Variants in FNDC3A observed in about 807,000 individuals in gnomAD.
The protein encoded by FNDC3A is fibronectin type-III domain-containing protein 3A.
A neutral mutation model predicts 148.9 loss-of-function variants in FNDC3A; 32 were observed. That is an observed-to-expected ratio of 0.21 (90% CI 0.16 to 0.29). FNDC3A has a LOEUF of 0.29. FNDC3A is among the 10% of genes least tolerant of loss of function. The pLI is 1.00. For synonymous variants in FNDC3A, 472 were observed against 473.6 expected (o/e 1.00, Z 0.04); for missense variants, 1,191 against 1,452.8 (o/e 0.82, Z 2.93).
chr13:49,079,597 A>G (rs956918259), intron 3 of FNDC3A, among the ~76,000 whole-genome samples: 5 of 152,204 alleles, frequency 3.3e-5, no homozygotes, highest in Admixed American at 1.3e-4. Flanking sequence ...CCACAAAGAG[A>G]TTGGAATTGC....
intron 2 of FNDC3A, among the ~76,000 whole-genome samples, chr13:49,022,517 G>A (rs933131515): frequency 6.6e-6 from 1 of 152,066 alleles, no homozygotes; most frequent in Admixed American, 6.6e-5. Context: ...GTAAATATAT[G>A]CATTTAAAAA....
At chr13:49,127,007 C>T (rs1393808427) in intron 4 of FNDC3A, among the ~76,000 whole-genome samples, 1 of 152,130 alleles carries the variant, frequency 6.6e-6, no homozygotes, top group African/African-American at 2.4e-5. Flanking sequence ...ACTCCTAGCC[C>T]CACACTTCCA....
intron 2 of FNDC3A, among the ~76,000 whole-genome samples, chr13:49,030,037 AG>A (rs970732211): frequency 4.6e-5 from 7 of 152,206 alleles, no homozygotes; most frequent in Non-Finnish European, 8.8e-5. Context: ...CAAATGTTTA[AG>A]GGAGAATTAA....
intron 2 of FNDC3A, among the ~76,000 whole-genome samples, chr13:49,043,410 C>G (rs999572275): frequency 1.1e-4 from 16 of 152,176 alleles, no homozygotes; most frequent in African/African-American, 3.9e-4. Flanking sequence ...TTTTGCTCCA[C>G]TTCTTTATGT....
intron 2 of FNDC3A, among the ~76,000 whole-genome samples, chr13:49,010,804 A>G (rs1466013798): frequency 2.0e-5 from 3 of 152,186 alleles, no homozygotes; most frequent in African/African-American, 7.2e-5. Flanking sequence ...ATAATTGCTT[A>G]CTGACTTTTC....
At chr13:49,082,538 G>A (rs2137798460) in intron 3 of FNDC3A, among the ~76,000 whole-genome samples, 1 of 152,136 alleles carries the variant, frequency 6.6e-6, no homozygotes, top group Non-Finnish European at 1.5e-5. Context: ...AAGAGTTTAA[G>A]ATGATATTGA....
intron 4 of FNDC3A, among the ~76,000 whole-genome samples, chr13:49,118,075 C>G (rs564085521): frequency 6.6e-6 from 1 of 152,298 alleles, no homozygotes; most frequent in East Asian, 1.9e-4. Flanking sequence ...AAGATTATCT[C>G]TAGAAAATGT....
rs546894063 is a variant in FNDC3A, at chr13:49,203,573, A to G, written c.3282+289A>G. ...ATGGAGCTTACTTACATTCTGGTGGAAAAGAAGACACTATAAGCAAGTAAA... is the reference window on the plus strand; with the variant it reads ...ATGGAGCTTACTTACATTCTGGTGGGAAAGAAGACACTATAAGCAAGTAAA... On this transcript the variant is annotated intron_variant, in intron 25 of 25. Transcript: ENST00000492622. 9.2e-5 allele frequency among the ~76,000 whole-genome samples: 14 copies of G among 152,342 alleles called. No individual in the cohort carries two copies. The East Asian group carries it at 2.5e-3, about 27-fold the overall frequency.
intron 24 of FNDC3A, among the ~76,000 whole-genome samples, chr13:49,202,657 A>T (rs905537474): frequency 7.2e-5 from 11 of 152,186 alleles, no homozygotes; most frequent in African/African-American, 2.4e-4. Flanking sequence ...AGTTTCACTG[A>T]GTCATTTTTC....
intron 8 of FNDC3A, among the ~76,000 whole-genome samples, chr13:49,147,304 C>A (rs1039335204): frequency 6.6e-6 from 1 of 152,110 alleles, no homozygotes; most frequent in Non-Finnish European, 1.5e-5. Flanking sequence ...TAGTCATCTC[C>A]CATATCCTAC....
intron 3 of FNDC3A, among the ~76,000 whole-genome samples, chr13:49,075,815 A>G (rs12868838): frequency 1.7e-5 from 1 of 59,654 alleles, no homozygotes; most frequent in African/African-American, 6.1e-5. Context: ...CCCCACCCCC[A>G]CCCCCACCCC....
intron 2 of FNDC3A, among the ~76,000 whole-genome samples, chr13:49,072,311 A>C (rs1180038217): frequency 6.6e-6 from 1 of 152,162 alleles, no homozygotes; most frequent in Admixed American, 6.5e-5. Context: ...TCCTTTGATG[A>C]AAATGAATTG....
chr13:49,087,096 A>T (rs1231436305), intron 3 of FNDC3A, among the ~76,000 whole-genome samples: 1 of 152,160 alleles, frequency 6.6e-6, no homozygotes. Flanking sequence ...AGGGAAATTC[A>T]GTTGTCATCA....
At chr13:49,108,539 A>T (rs887304164) in intron 3 of FNDC3A, among the ~76,000 whole-genome samples, 1 of 152,210 alleles carries the variant, frequency 6.6e-6, no homozygotes, top group Non-Finnish European at 1.5e-5. Context: ...TTCTGTAAAA[A>T]GGTTGAGGAT....
At chr13:49,137,895 A>G (rs147790167) in intron 6 of FNDC3A, among the ~76,000 whole-genome samples, 36 of 152,320 alleles carry the variant, frequency 2.4e-4, no homozygotes, top group African/African-American at 7.0e-4. Flanking sequence ...ATAGATATGC[A>G]TGGTAGACCA....
chr13:49,174,370 A>C, intron 11 of FNDC3A, 65 bp from the exon 12 acceptor site: 1 of 1,356,652 alleles, frequency 7.4e-7, no homozygotes, highest in Non-Finnish European at 1.0e-6. Flanking sequence ...TCAAGAAGGA[A>C]TTGATGCGAA....
intron 2 of FNDC3A, among the ~76,000 whole-genome samples, chr13:49,048,301 T>C (rs972428781): frequency 6.7e-6 from 1 of 150,304 alleles, no homozygotes; most frequent in Non-Finnish European, 1.5e-5. Context: ...AATTTTAGGA[T>C]TTTTTTTTAA....
At chr13:49,108,176 G>A (rs901239588) in intron 3 of FNDC3A, among the ~76,000 whole-genome samples, 5 of 152,232 alleles carry the variant, frequency 3.3e-5, no homozygotes, top group Non-Finnish European at 7.4e-5. Context: ...TGAAAGACAC[G>A]AGTTCAAGGA....
At position 49,198,091 on chromosome 13, in the gene FNDC3A, T is replaced by C; in HGVS notation, c.2600T>C (p.Ile867Thr). ...TCLQEISDDE[I>T]ENPHYSPSTC... ...CTTCAAGAAATAAGCGATGATGAGA[T>C]AGAAAATCCCCATTATTCACCTTCT... The change falls in exon 22 of 26, where the codon ATA becomes ACA. Residue 867 changes from isoleucine to threonine, a missense_variant. Ile to Thr is a moderately conservative substitution (Grantham distance 89). This residue lies in a region of FNDC3A where 751 missense variants were observed against 944.0 expected (regional missense o/e 0.80). Coordinates refer to ENST00000492622, the MANE Select transcript of FNDC3A (RefSeq NM_001079673.2). The C allele has an allele frequency of 1.2e-6, 2 of 1,612,960 alleles. No homozygotes were observed. The highest frequency in any genetic ancestry group is 1.7e-6 in the Non-Finnish European group (2 of 1,178,966).
Sources: gnomAD v4.1 joint callset for allele counts (sites outside exome capture counted in the v4.1 genomes callset) on GRCh38, gnomAD v4.1.1 for gene constraint, gnomAD v4.1.1 regional missense constraint, MANE v1.5 for transcripts, NCBI Gene and HGNC (gene_info 2026-07-23, HGNC 2026-07-21) for gene names.